TRAP1: variants seen among roughly 807,000 people sequenced by gnomAD.
TRAP1 encodes the protein TNF receptor associated protein 1.
A neutral mutation model predicts 89.1 loss-of-function variants in TRAP1; 102 were observed. That is an observed-to-expected ratio of 1.15 (90% CI 0.98 to 1.35). TRAP1 has a LOEUF of 1.35. Ranked by LOEUF, TRAP1 falls within the 40% of genes most tolerant of loss-of-function variation. TRAP1 has a pLI of 0.00. For synonymous variants in TRAP1, 508 were observed against 388.0 expected, an observed-to-expected ratio of 1.31 and a Z score of -3.64; for missense variants, 1,256 against 945.3, an observed-to-expected ratio of 1.33 and a Z score of -4.31.
chr16:3,658,240 A>G lies in TRAP1; in HGVS notation c.2014-10T>C. On this transcript the variant is annotated splice_polypyrimidine_tract_variant and intron_variant, in intron 17 of 17. Coordinates refer to ENST00000246957, the MANE Select transcript of TRAP1 (RefSeq NM_016292.3). ...TGGCGTTCTCGTATATCTGAAAGGC[A>G]AGAGGAGAAACCCATTATGAGGGGC... 6.2e-7 allele frequency: 1 copy of G among 1,610,730 alleles called. No homozygotes were observed. The highest frequency in any genetic ancestry group is 8.5e-7 in the Non-Finnish European group (1 of 1,177,502).
chr16:3,685,464 T>A (rs1265221430), intron 4 of TRAP1, among the ~76,000 whole-genome samples: 1 of 151,820 alleles, frequency 6.6e-6, no homozygotes, highest in Admixed American at 6.6e-5. Flanking sequence ...TCTGTCCACC[T>A]CTCCACAGAG....
chr16:3,680,972 G>A (rs543823512), intron 4 of TRAP1, among the ~76,000 whole-genome samples: 1 of 152,160 alleles, frequency 6.6e-6, no homozygotes, highest in Non-Finnish European at 1.5e-5. Flanking sequence ...TAAGGTATTC[G>A]GCTATAGCAG....
At chr16:3,702,429 T>C (rs1166930698) in intron 1 of TRAP1, among the ~76,000 whole-genome samples, 1 of 151,532 alleles carries the variant, frequency 6.6e-6, no homozygotes, top group Non-Finnish European at 1.5e-5. Context: ...AAGACTTTCA[T>C]TTTTCAAGAG....
At chr16:3,663,616 A>G in intron 13 of TRAP1, 54 bp from the exon 14 acceptor site, 1 of 1,607,314 alleles carries the variant, frequency 6.2e-7, no homozygotes, top group Non-Finnish European at 8.5e-7. Flanking sequence ...CAGCCACCAC[A>G]GAAGAAAGGA....
intron 1 of TRAP1, among the ~76,000 whole-genome samples, chr16:3,714,179 G>A (rs1175459671): frequency 6.6e-6 from 1 of 152,132 alleles, no homozygotes; most frequent in Admixed American, 6.6e-5. Context: ...TCTCTAATGT[G>A]CTGTCCAGGC....
In TRAP1 at chr16:3,676,103, G is replaced by A. The variant is rs778051821; in HGVS notation, c.747C>T (p.Thr249=). The part of the protein sequence containing the change: ...FEIAEASGVR[T]GTKIIIHLKS... ...TCAGGTGGATGATGATTTTTGTCCCGGTTCTAACTCCCGAAGCTTCGGCGA... is the reference window on the plus strand; with the variant it reads ...TCAGGTGGATGATGATTTTTGTCCCAGTTCTAACTCCCGAAGCTTCGGCGA... Residue 249 remains threonine (T), a synonymous_variant, in exon 7 of 18, where the codon ACC becomes ACT. Coordinates refer to ENST00000246957, the MANE Select transcript of TRAP1 (RefSeq NM_016292.3). 62 of 1,613,654 alleles carry A rather than the reference G, an allele frequency of 3.8e-5. No homozygotes were observed. The Admixed American group carries it at 7.2e-4, about 19-fold the overall frequency.
At chr16:3,702,649 GC>G (rs1485332599) in intron 1 of TRAP1, among the ~76,000 whole-genome samples, 1 of 151,604 alleles carries the variant, frequency 6.6e-6, no homozygotes, top group East Asian at 1.9e-4. Context: ...GGTACTTGAG[GC>G]GGAAGGATCA....
At chr16:3,693,430 A>G (rs2051243739) in intron 1 of TRAP1, among the ~76,000 whole-genome samples, 1 of 151,874 alleles carries the variant, frequency 6.6e-6, no homozygotes, top group Admixed American at 6.6e-5. Flanking sequence ...CTGGAATTAA[A>G]TGGTATTTGG....
At chr16:3,678,139 T>A (rs77589994) in intron 5 of TRAP1, 6,473 of 154,618 alleles carry the variant, frequency 0.042, 175 homozygotes, top group Admixed American at 0.058. Flanking sequence ...TTTTCTACTA[T>A]AATACTGCCA....
chr16:3,667,202 G>C (rs975203979), intron 11 of TRAP1, among the ~76,000 whole-genome samples: 2 of 152,286 alleles, frequency 1.3e-5, no homozygotes, highest in Non-Finnish European at 2.9e-5. Context: ...GGGTGTCCAG[G>C]CTGGGGGCGT....
In TRAP1 at chr16:3,674,535, C is replaced by T. The variant is rs568885288; in HGVS notation, c.889-41G>A. The T allele has an allele frequency of 1.5e-4, 241 of 1,602,508 alleles. 1 individual carries two copies. In the East Asian group the frequency reaches 2.7e-3, roughly 18 times the overall value. On this transcript the variant is annotated intron_variant, in intron 8 of 17. Coordinates refer to ENST00000246957, the MANE Select transcript of TRAP1 (RefSeq NM_016292.3). ...GGCGGGGAGGGCGTCGTGTTCACCA[C>T]GCACGTCTTCTCCACCACCGTGCAG...
chr16:3,692,507 G>A (rs1376775183), intron 1 of TRAP1, among the ~76,000 whole-genome samples: 1 of 150,538 alleles, frequency 6.6e-6, no homozygotes, highest in East Asian at 2.0e-4. Flanking sequence ...CTGCACTACA[G>A]GCTGGGTGAC....
chr16:3,692,535 C>CAA (rs1210401150), intron 1 of TRAP1, among the ~76,000 whole-genome samples: 913 of 68,216 alleles, frequency 0.013, 17 homozygotes, highest in African/African-American at 0.041. Flanking sequence ...CATTCTGTCT[C>CAA]AAAAAAAAAA....
intron 4 of TRAP1, among the ~76,000 whole-genome samples, chr16:3,681,021 C>T (rs1053903812): frequency 6.6e-6 from 1 of 152,170 alleles, no homozygotes; most frequent in Non-Finnish European, 1.5e-5. Context: ...GGTGAACACA[C>T]AAGGCCTTAC....
At chr16:3,712,873 C>A (rs910986422) in intron 1 of TRAP1, among the ~76,000 whole-genome samples, 4 of 152,332 alleles carry the variant, frequency 2.6e-5, no homozygotes, top group Admixed American at 2.0e-4. Context: ...ACCTCGGCCT[C>A]CCAAAGTGCT....
chr16:3,672,567 A>ACAGGCAGCG, intron 10 of TRAP1, 133 bp downstream of exon 10: 3 of 1,378,114 alleles, frequency 2.2e-6, no homozygotes, highest in Non-Finnish European at 2.9e-6. Context: ...CGACTGACAC[A>ACAGGCAGCG]CAGGCAGCGC....
chr16:3,671,603 G>A (rs1276342669), intron 11 of TRAP1, 119 bp downstream of exon 11: 2 of 1,101,772 alleles, frequency 1.8e-6, no homozygotes, highest in Non-Finnish European at 2.6e-6. Flanking sequence ...TGCAGGCCGG[G>A]CTTCCCCGAC....
chr16:3,677,466 G>A, intron 6 of TRAP1, 32 bp downstream of exon 6: 1 of 1,613,982 alleles, frequency 6.2e-7, no homozygotes, highest in Non-Finnish European at 8.5e-7. Context: ...GCTCAGCTTT[G>A]AGCTGCCTGT....
At chr16:3,706,928 T>G (rs1451696257) in intron 1 of TRAP1, among the ~76,000 whole-genome samples, 1 of 152,210 alleles carries the variant, frequency 6.6e-6, no homozygotes, top group East Asian at 1.9e-4. Flanking sequence ...TCGGTTTGAC[T>G]GTGTGAGGAG....
Sources: gnomAD v4.1 joint callset for allele counts (sites outside exome capture counted in the v4.1 genomes callset) on GRCh38, gnomAD v4.1.1 for gene constraint, MANE v1.5 for transcripts, NCBI Gene and HGNC (gene_info 2026-07-23, HGNC 2026-07-21) for gene names.